Variants in RCC1 observed in about 807,000 individuals in gnomAD.
RCC1 encodes regulator of chromosome condensation.
A neutral mutation model predicts 44.4 loss-of-function variants in RCC1; 11 were observed. The ratio of observed to expected loss-of-function variants is 0.25; its 90% CI spans 0.16 to 0.41. The LOEUF (loss-of-function observed/expected upper bound fraction) is 0.41. Ranked by LOEUF, RCC1 falls within the 10% of genes least tolerant of loss-of-function variation. The probability of loss-of-function intolerance (pLI) is 1.00; values close to 1 mark genes in which losing one functional copy is unlikely to be tolerated. For missense variants in RCC1, 386 were observed against 547.1 expected, an observed-to-expected ratio of 0.71 and a Z score of 2.94; for synonymous variants, 213 against 216.5, an observed-to-expected ratio of 0.98 and a Z score of 0.14.
At chr1:28,517,121 CAAA>C (rs796542591) in intron 4 of RCC1, among the ~76,000 whole-genome samples, 4 of 136,134 alleles carry the variant, frequency 2.9e-5, no homozygotes, top group South Asian at 2.3e-4. Context: ...GACTCGATCT[CAAA>C]AAAAAAAAAA....
intron 4 of RCC1, chr1:28,526,473 G>A (rs1054802751): frequency 3.6e-6 from 2 of 556,140 alleles, no homozygotes; most frequent in Non-Finnish European, 6.9e-6. Context: ...CTTTCTTGGT[G>A]TATTTATCCA....
intron 1 of RCC1, chr1:28,507,293 A>T: frequency 6.0e-6 from 3 of 496,918 alleles, no homozygotes; most frequent in Non-Finnish European, 1.2e-5. Context: ...TTCTTGTTTA[A>T]GATCTGTAGT....
chr1:28,507,751 C>G, intron 1 of RCC1: 1 of 338,844 alleles, frequency 3.0e-6, no homozygotes. Flanking sequence ...GGATTACAGG[C>G]CCCCGCCACC....
chr1:28,530,157 CA>C (rs71805038), intron 5 of RCC1, among the ~76,000 whole-genome samples: 26,636 of 117,572 alleles, frequency 0.23, 2,251 homozygotes, highest in Non-Finnish European at 0.25. Context: ...AGCACTGGCA[CA>C]AAAAAAAAAA....
rs770871735 is a variant in RCC1, at chr1:28,536,356, C to T, written c.912C>T (p.His304=). The change falls in exon 11 of 13, where the codon CAC becomes CAT. Residue 304 remains histidine (H), a synonymous_variant. Transcript: ENST00000683442. This position sits in a 1 kb window ranked among gnomAD's most constrained non-coding sequence, Gnocchi z 4.9. ...KSWVGFSGGQ[H]HTVCMDSEGK... ...GGGTGGGCTTCTCTGGTGGCCAGCA[C>T]CATACAGTCTGCATGGATTCGGAAG... 5 of 1,614,142 alleles carry T rather than the reference C, an allele frequency of 3.1e-6. No individual in the cohort carries two copies. The South Asian group carries it at 4.4e-5, about 14-fold the overall frequency.
chr1:28,508,783 T>C (rs1469944669), intron 2 of RCC1, 47 bp from the exon 3 acceptor site: 1 of 518,832 alleles, frequency 1.9e-6, no homozygotes, highest in Non-Finnish European at 3.9e-6. Context: ...AGATTTTAAG[T>C]TGAAGTAGGA....
At position 28,518,633 on chromosome 1, in the gene RCC1, C is replaced by G. The variant is rs1168463143; in HGVS notation, c.-10+1766C>G. The G allele has an allele frequency of 2.6e-5, 4 of 151,262 alleles. No individual in the cohort carries two copies. The South Asian group carries it at 8.3e-4, about 31-fold the overall frequency. 9.4% of individuals were successfully genotyped at this position (151,262 alleles called of 1,614,324 possible). On this transcript the variant is annotated intron_variant, in intron 4 of 12. Transcript: ENST00000683442. ...TTCAAACTGCGCGAGCGCGGCGGGC[C>G]GGGTGCGCGCGGCCGCCCGGGCGGG...
At chr1:28,526,030 A>C (rs1663636028) in intron 4 of RCC1, among the ~76,000 whole-genome samples, 1 of 152,132 alleles carries the variant, frequency 6.6e-6, no homozygotes, top group Non-Finnish European at 1.5e-5. Flanking sequence ...AGCTGTTGTA[A>C]TCCCAGCACT....
At chr1:28,521,646 G>A (rs1021471540) in intron 4 of RCC1, among the ~76,000 whole-genome samples, 1 of 152,076 alleles carries the variant, frequency 6.6e-6, no homozygotes, top group Non-Finnish European at 1.5e-5. Context: ...CGTCTCCACC[G>A]CAGCAGGGAG....
intron 7 of RCC1, among the ~76,000 whole-genome samples, chr1:28,533,735 A>G (rs1025578569): frequency 2.8e-4 from 32 of 113,710 alleles, no homozygotes; most frequent in Admixed American, 4.4e-4. Flanking sequence ...GCGCCATTGC[A>G]CTCCAGCCTG....
At position 28,536,783 on chromosome 1, in the gene RCC1, G is replaced by A. The variant is rs1162758697; in HGVS notation, c.974G>A (p.Arg325Gln). Residue 325 changes from arginine (R) to glutamine (Q), a missense_variant, in exon 12 of 13, where the codon CGG becomes CAG. Coordinates refer to ENST00000683442, the MANE Select transcript of RCC1 (RefSeq NM_001381865.2). This position sits in a 1 kb window ranked among gnomAD's most constrained non-coding sequence, Gnocchi z 4.9. ...AGCCTGGGCCGGGCTGAGTATGGGCGGCTGGGCCTTGGAGAGGGTGCTGAG... is the reference window on the plus strand; with the variant it reads ...AGCCTGGGCCGGGCTGAGTATGGGCAGCTGGGCCTTGGAGAGGGTGCTGAG... ...AYSLGRAEYG[R>Q]LGLGEGAEEK... is the part of the protein sequence containing the mutation. 7.4e-6 allele frequency: 12 copies of A among 1,614,014 alleles called. No homozygotes were observed. Among genetic ancestry groups the A allele is most frequent in the African/African-American group, 1.3e-5 (1 of 74,916 alleles).
intron 4 of RCC1, among the ~76,000 whole-genome samples, chr1:28,522,021 G>T (rs1421131404): frequency 6.6e-6 from 1 of 152,222 alleles, no homozygotes; most frequent in Non-Finnish European, 1.5e-5. Context: ...AGCTTCCTGT[G>T]AGGAATAAAA....
chr1:28,516,019 C>T (rs1014067969), intron 3 of RCC1, among the ~76,000 whole-genome samples: 17 of 151,566 alleles, frequency 1.1e-4, no homozygotes, highest in African/African-American at 4.1e-4. Flanking sequence ...CCCGTCTCTA[C>T]TAAAAATACA....
chr1:28,507,956 G>A, intron 1 of RCC1, 172 bp from the exon 2 acceptor site: 2 of 300,598 alleles, frequency 6.7e-6, no homozygotes, highest in South Asian at 2.8e-5. Flanking sequence ...AAAGTAGCCA[G>A]GCATGATGAT....
intron 3 of RCC1, among the ~76,000 whole-genome samples, chr1:28,514,787 G>A (rs759404847): frequency 2.0e-5 from 3 of 151,942 alleles, no homozygotes; most frequent in Non-Finnish European, 4.4e-5. Flanking sequence ...TCTTCCGGCT[G>A]GGCACAGTGG....
intron 1 of RCC1, chr1:28,507,637 CTGT>C (rs1662110882): frequency 4.6e-6 from 2 of 430,754 alleles, no homozygotes; most frequent in African/African-American, 2.5e-5. Context: ...TGGAGTCGCT[CTGT>C]TGCCCAGGCT....
At chr1:28,507,357 A>G (rs1268922341) in intron 1 of RCC1, 1 of 519,068 alleles carries the variant, frequency 1.9e-6, no homozygotes, top group South Asian at 1.4e-5. Context: ...TATGCGTTAC[A>G]CTGATTGTCC....
intron 3 of RCC1, among the ~76,000 whole-genome samples, chr1:28,511,409 T>G (rs1307323260): frequency 6.9e-6 from 1 of 145,040 alleles, no homozygotes; most frequent in African/African-American, 2.8e-5. Flanking sequence ...TTTTGTTTTT[T>G]TTTTTTTTTG....
intron 4 of RCC1, among the ~76,000 whole-genome samples, chr1:28,524,638 G>A (rs765670773): frequency 3.3e-5 from 5 of 152,098 alleles, no homozygotes; most frequent in Non-Finnish European, 7.4e-5. Context: ...CTAGAGAATC[G>A]CTTGAGCCCA....
Sources: allele counts gnomAD v4.1 joint callset (sites outside exome capture counted in the v4.1 genomes callset), GRCh38; gene constraint gnomAD v4.1.1; non-coding constraint Gnocchi (gnomAD v3.1); transcripts MANE v1.5; gene names NCBI Gene and HGNC (gene_info 2026-07-23, HGNC 2026-07-21).